RYR2: variants seen among roughly 807,000 people sequenced by gnomAD.
The protein encoded by RYR2 is ryanodine receptor 2.
A neutral mutation model predicts 601.1 loss-of-function variants in RYR2; 227 were observed. The ratio of observed to expected loss-of-function variants is 0.38; its 90% CI spans 0.34 to 0.42. RYR2 has a LOEUF of 0.42. Among genes scored for constraint, RYR2 ranks in the 10% least tolerant of loss-of-function variants. The pLI, the probability that RYR2 is intolerant of heterozygous loss-of-function variation, is 1.00. For synonymous variants in RYR2, 2,223 were observed against 2,175.1 expected (o/e 1.02, Z -0.61); for missense variants, 4,646 against 6,156.5 (o/e 0.75, Z 8.21).
At chr1:237,792,681 G>C (rs1321252142) in intron 94 of RYR2, among the ~76,000 whole-genome samples, 1 of 152,004 alleles carries the variant, frequency 6.6e-6, no homozygotes, top group Non-Finnish European at 1.5e-5. Flanking sequence ...CCTGGGAAGG[G>C]GCTATGGCCA....
intron 102 of RYR2, 115 bp downstream of exon 102, chr1:237,828,560 T>C: frequency 1.5e-6 from 1 of 679,288 alleles, no homozygotes; most frequent in South Asian, 2.4e-5. Flanking sequence ...GGGCACAACT[T>C]GTGGTTTCAC....
chr1:237,367,820 A>G (rs1299533433), intron 5 of RYR2, among the ~76,000 whole-genome samples: 2 of 151,802 alleles, frequency 1.3e-5, no homozygotes, highest in Non-Finnish European at 2.9e-5. Context: ...CTTTATACAT[A>G]CTCCTTACTC....
intron 77 of RYR2, among the ~76,000 whole-genome samples, chr1:237,730,627 T>G (rs1390002016): frequency 2.0e-5 from 3 of 152,136 alleles, no homozygotes; most frequent in Non-Finnish European, 4.4e-5. Context: ...TTAGTCTTTC[T>G]TTTAAATTCC....
intron 74 of RYR2, among the ~76,000 whole-genome samples, chr1:237,724,184 C>CATATATATATATATATATATATAT (rs35705894): frequency 2.9e-5 from 4 of 137,000 alleles, no homozygotes; most frequent in Admixed American, 7.5e-5. Flanking sequence ...TGTGTGTGTG[C>CATATATATATATATATATATATAT]ATATATATAT....
At chr1:237,117,853 C>T (rs1307666711) in intron 1 of RYR2, among the ~76,000 whole-genome samples, 1 of 152,142 alleles carries the variant, frequency 6.6e-6, no homozygotes, top group Non-Finnish European at 1.5e-5. Flanking sequence ...TCAAATGATT[C>T]TCCTGCCTCA....
At chr1:237,753,177 C>A (rs984527322) in intron 80 of RYR2, among the ~76,000 whole-genome samples, 2 of 152,182 alleles carry the variant, frequency 1.3e-5, no homozygotes, top group African/African-American at 2.4e-5. Context: ...CTTTTCATCT[C>A]CATTACAAAG....
At chr1:237,525,993 T>A (rs758770326) in intron 24 of RYR2, among the ~76,000 whole-genome samples, 93 of 151,160 alleles carry the variant, frequency 6.2e-4, no homozygotes, top group African/African-American at 2.2e-3. Context: ...AAAAAAATAA[T>A]AATAATAAAT....
At chr1:237,140,130 C>T (rs1488397259) in intron 1 of RYR2, among the ~76,000 whole-genome samples, 1 of 152,234 alleles carries the variant, frequency 6.6e-6, no homozygotes. Flanking sequence ...AGCACCGTTG[C>T]AGAACAGTTT....
intron 2 of RYR2, among the ~76,000 whole-genome samples, chr1:237,327,678 T>C (rs1696298965): frequency 6.6e-6 from 1 of 152,228 alleles, no homozygotes; most frequent in Non-Finnish European, 1.5e-5. Context: ...GCTTCATCAT[T>C]TCCAGAAATG....
intron 1 of RYR2, among the ~76,000 whole-genome samples, chr1:237,104,024 A>G (rs1335475487): frequency 6.6e-6 from 1 of 151,106 alleles, no homozygotes; most frequent in Non-Finnish European, 1.5e-5. Flanking sequence ...TCCTCACGTG[A>G]TATTTAGTTG....
chr1:237,491,995 T>G (rs1197746399), intron 18 of RYR2, 71 bp downstream of exon 18: 2 of 737,816 alleles, frequency 2.7e-6, no homozygotes, highest in South Asian at 3.4e-5. Flanking sequence ...ATACAATAAC[T>G]TTTAAAAAGT....
At chr1:237,575,050 A>G (rs537057974) in intron 29 of RYR2, among the ~76,000 whole-genome samples, 1 of 152,312 alleles carries the variant, frequency 6.6e-6, no homozygotes, top group South Asian at 2.1e-4. Flanking sequence ...TCACAAGACT[A>G]TCAAAGACCA....
chr1:237,595,807 C>A, intron 34 of RYR2, 150 bp downstream of exon 34: 4 of 883,900 alleles, frequency 4.5e-6, no homozygotes, highest in Non-Finnish European at 4.9e-6. Context: ...CTGCCCCTAG[C>A]AAGCCCTCCT....
At chr1:237,339,960 T>A (rs1697613512) in intron 3 of RYR2, among the ~76,000 whole-genome samples, 1 of 152,178 alleles carries the variant, frequency 6.6e-6, no homozygotes, top group African/African-American at 2.4e-5. Flanking sequence ...CACAACTGGC[T>A]CCGACCATGG....
chr1:237,672,525 A>G (rs899767553), intron 58 of RYR2, among the ~76,000 whole-genome samples: 3 of 152,210 alleles, frequency 2.0e-5, no homozygotes, highest in African/African-American at 7.2e-5. Context: ...ATTTGCATAC[A>G]TGTATACAAT....
intron 17 of RYR2, among the ~76,000 whole-genome samples, chr1:237,473,458 T>TTTCTTTCTTTCTTTCTTC (rs1558878518): frequency 6.7e-6 from 1 of 149,538 alleles, no homozygotes; most frequent in Non-Finnish European, 1.5e-5. Flanking sequence ...TCTTTCTTTC[T>TTTCTTTCTTTCTTTCTTC]TTCTATCTAT....
At chr1:237,421,498 T>C (rs1705568589) in intron 11 of RYR2, among the ~76,000 whole-genome samples, 1 of 152,188 alleles carries the variant, frequency 6.6e-6, no homozygotes, top group African/African-American at 2.4e-5. Context: ...AACAAATTCA[T>C]GTGAAAATGA....
chr1:237,781,193 T>C (rs760607941), intron 88 of RYR2, among the ~76,000 whole-genome samples: 1 of 151,944 alleles, frequency 6.6e-6, no homozygotes. Context: ...AGACTACAGG[T>C]GTGTACTACC....
At chr1:237,199,951 G>C (rs184967373) in intron 1 of RYR2, among the ~76,000 whole-genome samples, 2 of 152,174 alleles carry the variant, frequency 1.3e-5, no homozygotes, top group African/African-American at 4.8e-5. Flanking sequence ...TTAATTAGCC[G>C]AGTTTTGTTT....
Sources: gnomAD v4.1 joint callset for allele counts (sites outside exome capture counted in the v4.1 genomes callset) on GRCh38, gnomAD v4.1.1 for gene constraint, MANE v1.5 for transcripts, NCBI Gene and HGNC (gene_info 2026-07-23, HGNC 2026-07-21) for gene names.